The following TUNAR variants were observed in gnomAD, a reference collection of about 807,000 sequenced individuals.
The protein encoded by TUNAR is transmembrane neural differentiation associated intracellular calcium regulator, also known as protein TUNAR.
At chr14:95,919,061 G>A (rs1413798118) in intron 2 of TUNAR, among the ~76,000 whole-genome samples, 1 of 152,170 alleles carries the variant, frequency 6.6e-6, no homozygotes, top group East Asian at 1.9e-4. Flanking sequence ...GACATGACTA[G>A]TGCTTGGATA....
intron 2 of TUNAR, among the ~76,000 whole-genome samples, chr14:95,909,485 G>A (rs992839816): frequency 5.3e-5 from 8 of 151,996 alleles, no homozygotes; most frequent in South Asian, 2.1e-4. Context: ...GGGTTTCACC[G>A]TGTTAACCAG....
At chr14:95,901,087 A>G (rs1394574278) in intron 2 of TUNAR, among the ~76,000 whole-genome samples, 1 of 152,098 alleles carries the variant, frequency 6.6e-6, no homozygotes, top group East Asian at 1.9e-4. Context: ...ATCATGTTTG[A>G]GATGGGTAAG....
Position 95,916,447 on chromosome 14 carries a change from G to A in TUNAR, c.13-6334G>A, listed in dbSNP as rs116801103. Among the ~76,000 whole-genome samples the A allele has an allele frequency of 3.4e-3, 514 of 152,286 alleles. 5 individuals carry two copies. Among genetic ancestry groups the A allele is most frequent in the African/African-American group, 0.012 (487 of 41,548 alleles). On this transcript the variant is annotated intron_variant, in intron 2 of 2. Transcript: ENST00000678517. ...TTGCAATTCATCCATGCGATGGCACGTTCCAGCATTTCATTTTTTCCTCGA... is the reference window on the plus strand; with the variant it reads ...TTGCAATTCATCCATGCGATGGCACATTCCAGCATTTCATTTTTTCCTCGA...
At chr14:95,915,972 T>G (rs1889598805) in intron 2 of TUNAR, among the ~76,000 whole-genome samples, 1 of 152,224 alleles carries the variant, frequency 6.6e-6, no homozygotes, top group African/African-American at 2.4e-5. Flanking sequence ...GCACAGCACT[T>G]AATATACCCA....
chr14:95,919,575 T>C (rs1391587986), intron 2 of TUNAR, among the ~76,000 whole-genome samples: 3 of 151,850 alleles, frequency 2.0e-5, no homozygotes, highest in Non-Finnish European at 4.4e-5. Flanking sequence ...TAGCTGGGCG[T>C]GGTGGTGCAC....
At chr14:95,916,214 C>G (rs1889602699) in intron 2 of TUNAR, among the ~76,000 whole-genome samples, 1 of 152,136 alleles carries the variant, frequency 6.6e-6, no homozygotes, top group East Asian at 1.9e-4. Context: ...TTAGAGAGTC[C>G]TGAGCATCCT....
intron 2 of TUNAR, among the ~76,000 whole-genome samples, chr14:95,913,422 G>A (rs1451083559): frequency 6.6e-6 from 1 of 151,992 alleles, no homozygotes; most frequent in Admixed American, 6.6e-5. Context: ...GCGGCGTTTG[G>A]TTTTCTGTTC....
At chr14:95,883,749 A>G (rs1333359851) in intron 2 of TUNAR, among the ~76,000 whole-genome samples, 1 of 151,966 alleles carries the variant, frequency 6.6e-6, no homozygotes, top group African/African-American at 2.4e-5. Context: ...CTGACCCTTC[A>G]CTGGTTTCAA....
chr14:95,901,010 G>T (rs922722761), intron 2 of TUNAR, among the ~76,000 whole-genome samples: 2 of 152,158 alleles, frequency 1.3e-5, no homozygotes, highest in Non-Finnish European at 2.9e-5. Flanking sequence ...CTATTTTTAG[G>T]AGCGTATTTT....
At chr14:95,904,276 A>G (rs946597113) in intron 2 of TUNAR, among the ~76,000 whole-genome samples, 8 of 152,114 alleles carry the variant, frequency 5.3e-5, no homozygotes, top group Admixed American at 1.3e-4. Flanking sequence ...AACCTGCCTC[A>G]CTGGGGATCT....
intron 2 of TUNAR, among the ~76,000 whole-genome samples, chr14:95,908,445 C>G (rs1393093020): frequency 6.6e-6 from 1 of 152,204 alleles, no homozygotes; most frequent in Non-Finnish European, 1.5e-5. Flanking sequence ...AGTGCGTCCT[C>G]CCATCTGTCC....
At chr14:95,899,028 T>C (rs930996953) in intron 2 of TUNAR, among the ~76,000 whole-genome samples, 4 of 152,228 alleles carry the variant, frequency 2.6e-5, no homozygotes, top group African/African-American at 9.6e-5. Context: ...TGATTTCTAC[T>C]CAGCTTCCCT....
chr14:95,879,564 C>A (rs1368519304), intron 2 of TUNAR, among the ~76,000 whole-genome samples: 1 of 152,212 alleles, frequency 6.6e-6, no homozygotes, highest in Admixed American at 6.5e-5. Flanking sequence ...AGCTGGATTA[C>A]ATCACAAAAC....
intron 2 of TUNAR, among the ~76,000 whole-genome samples, chr14:95,902,602 C>T (rs1028596640): frequency 6.6e-6 from 1 of 152,182 alleles, no homozygotes; most frequent in Admixed American, 6.5e-5. Context: ...GTTCTGTGCC[C>T]TTAGCAAACG....
chr14:95,925,550 A>G (rs995301020), exon 3 of TUNAR: 2 of 152,156 alleles, frequency 1.3e-5, no homozygotes, highest in African/African-American at 4.8e-5. Flanking sequence ...AATAAACAAT[A>G]AAGGTGCAAT....
chr14:95,901,789 C>G (rs1011655092), intron 2 of TUNAR, among the ~76,000 whole-genome samples: 9 of 152,172 alleles, frequency 5.9e-5, no homozygotes, highest in Non-Finnish European at 1.2e-4. Context: ...GGGAATCCTA[C>G]TTTCTTCAGT....
chr14:95,897,421 A>C (rs1889285693), intron 2 of TUNAR, among the ~76,000 whole-genome samples: 1 of 152,204 alleles, frequency 6.6e-6, no homozygotes, highest in Non-Finnish European at 1.5e-5. Context: ...TTATTTCATA[A>C]GGTGAGGTTG....
At chr14:95,912,037 C>T (rs879300082) in intron 2 of TUNAR, among the ~76,000 whole-genome samples, 2 of 152,156 alleles carry the variant, frequency 1.3e-5, no homozygotes, top group East Asian at 1.9e-4. Flanking sequence ...CCTTGCATAC[C>T]GGCGTTGTTC....
At chr14:95,912,470 G>T (rs1889529241) in intron 2 of TUNAR, among the ~76,000 whole-genome samples, 1 of 152,048 alleles carries the variant, frequency 6.6e-6, no homozygotes, top group Non-Finnish European at 1.5e-5. Context: ...TTTTACATTT[G>T]AAATATAAAA....
Sources: allele counts gnomAD v4.1 joint callset (sites outside exome capture counted in the v4.1 genomes callset), GRCh38; gene constraint gnomAD v4.1.1; transcripts MANE v1.5; gene names NCBI Gene and HGNC (gene_info 2026-07-23, HGNC 2026-07-21).